BRWD3: variants seen among roughly 807,000 people sequenced by gnomAD.
BRWD3 encodes the protein bromodomain and WD repeat-containing protein 3.
Under a neutral mutation model 149.7 loss-of-function variants are expected in BRWD3, and 10 were observed. The observed-to-expected ratio is 0.07, with a 90% CI of 0.04 to 0.11. BRWD3 has a LOEUF of 0.11. BRWD3 is among the 10% of genes least tolerant of loss of function. The pLI is 1.00. For missense variants in BRWD3, 940 were observed against 1,373.2 expected, an observed-to-expected ratio of 0.68 and a Z score of 4.99; for synonymous variants, 504 against 456.7, an observed-to-expected ratio of 1.10 and a Z score of -1.32.
Position 80,710,087 on chromosome X carries a change from G to A in BRWD3, c.2326-510C>T, listed in dbSNP as rs1415644111. ...GAAAAGGGCACCATCGGAGCTTGCAGCTCATCAGAAAAAAATTCTCCATAT... is the reference window on the plus strand; with the variant it reads ...GAAAAGGGCACCATCGGAGCTTGCAACTCATCAGAAAAAAATTCTCCATAT... On this transcript the variant is annotated intron_variant, in intron 20 of 40. Coordinates refer to ENST00000373275, the MANE Select transcript of BRWD3 (RefSeq NM_153252.5). 3.7e-6 allele frequency: 3 copies of A among 817,982 alleles called. No homozygotes were observed. The African/African-American group carries it at 6.1e-5, about 17-fold the overall frequency. The allele number at this position is 817,982 out of a possible 1,213,427, so 67.4% of individuals were successfully genotyped here.
At chrX:80,712,339 C>T (rs1283701126) in intron 20 of BRWD3, among the ~76,000 whole-genome samples, 37 of 110,744 alleles carry the variant, frequency 3.3e-4, no homozygotes, top group Non-Finnish European at 5.3e-4. Context: ...TTGGTGGAGA[C>T]GGGGTTTCGC....
At chrX:80,689,341 G>A (rs991142876) in intron 33 of BRWD3, among the ~76,000 whole-genome samples, 6 of 111,419 alleles carry the variant, frequency 5.4e-5, no homozygotes, top group Non-Finnish European at 7.6e-5. Context: ...AAAGGAAATC[G>A]AGTAATAATT....
At chrX:80,768,528 G>T (rs1188912820) in intron 6 of BRWD3, among the ~76,000 whole-genome samples, 3 of 111,156 alleles carry the variant, frequency 2.7e-5, no homozygotes, top group Non-Finnish European at 5.6e-5. Context: ...ACAAGCAAAC[G>T]CTGAGAGATT....
intron 25 of BRWD3, among the ~76,000 whole-genome samples, chrX:80,699,084 G>A (rs1034537938): frequency 4.6e-5 from 5 of 109,353 alleles, no homozygotes; most frequent in South Asian, 4.0e-4. Flanking sequence ...GCATGGTGGC[G>A]TGTACCTGCG....
intron 6 of BRWD3, among the ~76,000 whole-genome samples, chrX:80,777,152 C>G (rs768749515): frequency 1.8e-5 from 2 of 109,405 alleles, no homozygotes; most frequent in African/African-American, 3.3e-5. Flanking sequence ...GACCCCCCCC[C>G]ACGAAAAACC....
In BRWD3 at chrX:80,719,602, T is replaced by C. The variant is rs2073116373; in HGVS notation, c.1931A>G (p.Glu644Gly). The stretch of plus-strand genomic sequence containing the variant: ...CCTGATTATTCCATCAAGAATGCTC[T>C]CATCTTGGTCATTGGTTTGCTGCCC... ...VIGQQTNDQD[E>G]SILDGIIREL... is the part of the protein sequence containing the mutation. Residue 644 changes from glutamate to glycine, a missense_variant, in exon 18 of 41, where the codon GAG becomes GGG. By Grantham distance (98) the Glu-to-Gly change is moderately conservative. Around this residue, in one of 6 missense-constraint regions of BRWD3, gnomAD observed 209 missense variants for 396.8 expected, o/e 0.53. Transcript: ENST00000373275. 1 of 1,210,225 alleles carries C rather than the reference T, an allele frequency of 8.3e-7. No homozygotes were observed. Among genetic ancestry groups the C allele is most frequent in the South Asian group, 1.8e-5 (1 of 56,948 alleles).
chrX:80,764,716 C>T (rs1421918203), intron 6 of BRWD3, among the ~76,000 whole-genome samples: 1 of 110,060 alleles, frequency 9.1e-6, no homozygotes, highest in East Asian at 2.8e-4. Flanking sequence ...ACTTTGAAAG[C>T]CCATGTGAAA....
Position 80,671,613 on chromosome X carries a change from T to G in BRWD3, c.*4996A>C, listed in dbSNP as rs2072323732. 8.9e-6 allele frequency: 1 copy of G among 112,226 alleles called. No individual in the cohort carries two copies. The highest frequency in any genetic ancestry group is 3.7e-4 in the South Asian group (1 of 2,733). 9.2% of individuals were successfully genotyped at this position (112,226 alleles called of 1,213,427 possible). On this transcript the variant is annotated 3_prime_UTR_variant, in exon 41 of 41. Transcript: ENST00000373275. ...AGAATGGCAACAAATTAGTCCAGTTTTTTTGTCTTTGAAGATAATTGCTTA... is the reference window on the plus strand; with the variant it reads ...AGAATGGCAACAAATTAGTCCAGTTGTTTTGTCTTTGAAGATAATTGCTTA...
chrX:80,751,636 A>G (rs1254820686), intron 6 of BRWD3, among the ~76,000 whole-genome samples: 1 of 111,899 alleles, frequency 8.9e-6, no homozygotes, highest in Non-Finnish European at 1.9e-5. Flanking sequence ...ATAGTGGTCA[A>G]GGCAGGGTTT....
chrX:80,749,074 T>C (rs2147796553), intron 6 of BRWD3, among the ~76,000 whole-genome samples: 1 of 112,280 alleles, frequency 8.9e-6, no homozygotes, highest in South Asian at 3.7e-4. Flanking sequence ...TTAATATTAT[T>C]TCAATCTTCT....
At chrX:80,685,594 G>T in intron 35 of BRWD3, 58 bp from the exon 36 acceptor site, 1 of 902,494 alleles carries the variant, frequency 1.1e-6, no homozygotes, top group Non-Finnish European at 1.6e-6. Flanking sequence ...ATATCAAGAC[G>T]TGTAATACAA....
chrX:80,679,064 C>G (rs752080843), intron 40 of BRWD3, among the ~76,000 whole-genome samples: 13 of 111,840 alleles, frequency 1.2e-4, no homozygotes, highest in African/African-American at 3.9e-4. Context: ...GGGAAAAAGC[C>G]CTTATCAGAT....
rs1602384989 is a variant in BRWD3, at chrX:80,744,256, A to G, written c.592-3T>C. The G allele has an allele frequency of 8.5e-7, 1 of 1,178,075 alleles. No homozygotes were observed. The highest frequency in any genetic ancestry group is 1.1e-6 in the Non-Finnish European group (1 of 869,856). ...TTTACTAAACAGTCATCTGAACCCT[A>G]TAGTAACAAAAGGACAATAGGTTTA... On this transcript the variant is annotated splice_polypyrimidine_tract_variant and splice_region_variant and intron_variant, in intron 7 of 40. Transcript: ENST00000373275.
chrX:80,714,836 G>C (rs1055164893), intron 20 of BRWD3, among the ~76,000 whole-genome samples: 3 of 112,476 alleles, frequency 2.7e-5, no homozygotes, highest in African/African-American at 9.7e-5. Context: ...TATAGAAGAA[G>C]AGAAATTGAG....
chrX:80,726,111 CTG>C (rs774544522), intron 14 of BRWD3, among the ~76,000 whole-genome samples: 3 of 107,671 alleles, frequency 2.8e-5, no homozygotes, highest in Admixed American at 9.9e-5. Context: ...TGTTATGTGT[CTG>C]TATAACATAT....
chrX:80,675,094 C>A lies in BRWD3; in HGVS notation c.*1515G>T, dbSNP rs1458843021. 1 of 111,574 alleles carries A rather than the reference C, an allele frequency of 9.0e-6. No homozygotes were observed. Among genetic ancestry groups the A allele is most frequent in the African/African-American group, 3.3e-5 (1 of 30,741 alleles). 9.2% of individuals were successfully genotyped at this position (111,574 alleles called of 1,213,427 possible). On this transcript the variant is annotated 3_prime_UTR_variant, in exon 41 of 41. Transcript: ENST00000373275. ...GAAATGTAAGTATCTAACAAATGAACAAATCTGTAATATTAAATTTGGGGA... is the reference window on the plus strand; with the variant it reads ...GAAATGTAAGTATCTAACAAATGAAAAAATCTGTAATATTAAATTTGGGGA...
At chrX:80,766,787 C>T (rs1410588956) in intron 6 of BRWD3, among the ~76,000 whole-genome samples, 4 of 112,057 alleles carry the variant, frequency 3.6e-5, no homozygotes, top group Non-Finnish European at 7.5e-5. Flanking sequence ...CCTCGGAGGG[C>T]GAGTGGAAGC....
intron 8 of BRWD3, among the ~76,000 whole-genome samples, chrX:80,740,681 G>A (rs901646966): frequency 9.0e-6 from 1 of 110,556 alleles, no homozygotes; most frequent in Non-Finnish European, 1.9e-5. Context: ...CCTGGGAGGT[G>A]GAGGCTGCAG....
chrX:80,686,883 C>G lies in BRWD3; in HGVS notation c.3985G>C (p.Ala1329Pro). The change falls in exon 35 of 41, where the codon GCT becomes CCT. Residue 1329 changes from alanine (A) to proline (P), a missense_variant. Ala to Pro is a conservative substitution (Grantham distance 27, BLOSUM62 -1). Coordinates refer to ENST00000373275, the MANE Select transcript of BRWD3 (RefSeq NM_153252.5). ...REDSEPFRQP[A>P]DLLSYPGHQE... is the part of the protein sequence containing the mutation. Reference sequence around the variant, plus strand: ...CTTACTGGGTAAGAAAGAAGATCAGCTGGCTGTCGAAATGGCTCCGAGTCT... The same window carrying G: ...CTTACTGGGTAAGAAAGAAGATCAGGTGGCTGTCGAAATGGCTCCGAGTCT... 2 of 1,209,621 alleles carry G rather than the reference C, an allele frequency of 1.7e-6. No homozygotes were observed. The highest frequency in any genetic ancestry group is 2.2e-6 in the Non-Finnish European group (2 of 894,218).
Sources: allele counts gnomAD v4.1 joint callset (sites outside exome capture counted in the v4.1 genomes callset), GRCh38; gene constraint gnomAD v4.1.1; regional missense constraint gnomAD v4.1.1; transcripts MANE v1.5; gene names NCBI Gene and HGNC (gene_info 2026-07-23, HGNC 2026-07-21).